The following ACTN2 variants were observed in gnomAD, a reference collection of about 807,000 sequenced individuals.
The protein encoded by ACTN2 is alpha-actinin-2.
A neutral mutation model predicts 113.8 loss-of-function variants in ACTN2; 39 were observed. The ratio of observed to expected loss-of-function variants is 0.34; its 90% CI spans 0.27 to 0.45. The LOEUF is 0.45. Ranked by LOEUF, ACTN2 falls within the 20% of genes least tolerant of loss-of-function variation. The pLI, the probability that ACTN2 is intolerant of heterozygous loss-of-function variation, is 1.00. For synonymous variants in ACTN2, 429 were observed against 444.1 expected (o/e 0.97, Z 0.43); for missense variants, 992 against 1,177.9 (o/e 0.84, Z 2.31).
Position 236,694,736 on chromosome 1 carries a change from G to A in ACTN2, c.126+7937G>A, listed in dbSNP as rs773224344. 3.3e-5 allele frequency among the ~76,000 whole-genome samples: 5 copies of A among 152,110 alleles called. No homozygotes were observed. In the East Asian group the frequency reaches 5.8e-4, roughly 18 times the overall value. ...TCTTGAAGTATTTTCTCAGGTCCCCGAAAAGAGTTCCCTGACTTGATTTTT... is the reference window on the plus strand; with the variant it reads ...TCTTGAAGTATTTTCTCAGGTCCCCAAAAAGAGTTCCCTGACTTGATTTTT... On this transcript the variant is annotated intron_variant, in intron 1 of 20. Transcript: ENST00000366578.
chr1:236,732,759 C>G (rs1658750230), intron 7 of ACTN2, among the ~76,000 whole-genome samples: 1 of 152,130 alleles, frequency 6.6e-6, no homozygotes. Flanking sequence ...TATTTTCTTA[C>G]AAGGATACCA....
Position 236,742,879 on chromosome 1 carries a change from G to C in ACTN2, c.1108-17G>C. 6.2e-7 allele frequency: 1 copy of C among 1,614,156 alleles called. No homozygotes were observed. Among genetic ancestry groups the C allele is most frequent in the Non-Finnish European group, 8.5e-7 (1 of 1,180,028 alleles). On this transcript the variant is annotated splice_polypyrimidine_tract_variant and intron_variant, in intron 10 of 20. Coordinates refer to ENST00000366578, the MANE Select transcript of ACTN2 (RefSeq NM_001103.4). ...GCTTGTTACACATTTGCTTCCCTTG[G>C]CTTCCAACCATCCCAGGATATTGCT...
chr1:236,734,593 T>C, intron 7 of ACTN2: 3 of 1,121,472 alleles, frequency 2.7e-6, no homozygotes, highest in South Asian at 3.0e-5. Flanking sequence ...TGTTTTCCTC[T>C]TTTTTCCCCC....
In ACTN2 at chr1:236,735,563, T is replaced by A. The variant is rs1658843515; in HGVS notation, c.698-72T>A. ...TTGTTCTTCCCTCTGTTCTCCCTGG[T>A]TTCTCTCCTTCGTCTGTATGTGTGT... is the stretch of plus-strand genomic sequence containing the variant. On this transcript the variant is annotated intron_variant, in intron 7 of 20. Coordinates refer to ENST00000366578, the MANE Select transcript of ACTN2 (RefSeq NM_001103.4). 4 of 1,349,728 alleles carry A rather than the reference T, an allele frequency of 3.0e-6. No homozygotes were observed. In the African/African-American group the frequency reaches 5.8e-5, roughly 19 times the overall value. 83.6% of individuals were successfully genotyped at this position (1,349,728 alleles called of 1,614,324 possible).
At chr1:236,746,165 CAAA>C (rs55953102) in intron 12 of ACTN2, among the ~76,000 whole-genome samples, 92 of 80,382 alleles carry the variant, frequency 1.1e-3, no homozygotes, top group African/African-American at 3.7e-3. Flanking sequence ...GACTCCATCT[CAAA>C]AAAAAAAAAA....
Position 236,762,457 on chromosome 1 carries a change from C to T in ACTN2, c.2527-4C>T, listed in dbSNP as rs375928466. 5.0e-6 allele frequency: 8 copies of T among 1,613,832 alleles called. No homozygotes were observed. Among genetic ancestry groups the T allele is most frequent in the Non-Finnish European group, 5.9e-6 (7 of 1,179,942 alleles). ...ACTGCAAACACGTGTGTATTTTTTCCCAGCCATACATCCTGGCGGAGGAGC... is the reference window on the plus strand; with the variant it reads ...ACTGCAAACACGTGTGTATTTTTTCTCAGCCATACATCCTGGCGGAGGAGC... On this transcript the variant is annotated splice_polypyrimidine_tract_variant and splice_region_variant and intron_variant, in intron 20 of 20. Coordinates refer to ENST00000366578, the MANE Select transcript of ACTN2 (RefSeq NM_001103.4).
intron 1 of ACTN2, among the ~76,000 whole-genome samples, chr1:236,688,118 C>G (rs959761881): frequency 6.6e-6 from 1 of 152,110 alleles, no homozygotes. Flanking sequence ...AATGTGTCAT[C>G]TGGACCAGCT....
At chr1:236,729,303 G>A (rs569420289) in intron 6 of ACTN2, among the ~76,000 whole-genome samples, 8 of 152,078 alleles carry the variant, frequency 5.3e-5, no homozygotes, top group Non-Finnish European at 8.8e-5. Flanking sequence ...CAGCCTGGGC[G>A]ACAGAGCGAG....
intron 1 of ACTN2, among the ~76,000 whole-genome samples, chr1:236,714,979 A>T (rs1658130749): frequency 8.5e-6 from 1 of 118,056 alleles, no homozygotes; most frequent in African/African-American, 3.2e-5. Flanking sequence ...GATATGCAAG[A>T]GACTGATAGC....
chr1:236,744,149 A>G (rs901786920), intron 11 of ACTN2, among the ~76,000 whole-genome samples: 1 of 152,194 alleles, frequency 6.6e-6, no homozygotes, highest in Non-Finnish European at 1.5e-5. Context: ...ATTATCAGGA[A>G]AAACAAAGCA....
At chr1:236,746,043 G>A (rs377557085) in intron 12 of ACTN2, among the ~76,000 whole-genome samples, 219 of 151,724 alleles carry the variant, frequency 1.4e-3, no homozygotes, top group African/African-American at 5.1e-3. Flanking sequence ...GCGGGCACCT[G>A]TAGTCCCAAC....
intron 1 of ACTN2, among the ~76,000 whole-genome samples, chr1:236,693,177 G>GCACACACACACACA (rs35891713): frequency 2.7e-5 from 4 of 149,038 alleles, no homozygotes; most frequent in Non-Finnish European, 4.5e-5. Flanking sequence ...CTGCACACAT[G>GCACACACACACACA]CACACACACA....
At chr1:236,760,402 T>A (rs1053324175) in intron 19 of ACTN2, among the ~76,000 whole-genome samples, 1 of 152,236 alleles carries the variant, frequency 6.6e-6, no homozygotes, top group Admixed American at 6.5e-5. Context: ...CCATTTAAAG[T>A]GTATACTTCA....
intron 4 of ACTN2, 114 bp downstream of exon 4, chr1:236,720,305 C>T (rs1176803027): frequency 2.4e-6 from 2 of 847,514 alleles, no homozygotes; most frequent in Non-Finnish European, 4.0e-6. Context: ...GAATGAGAGA[C>T]ATGTAAGTGG....
chr1:236,689,302 T>G (rs1295752528), intron 1 of ACTN2, among the ~76,000 whole-genome samples: 5 of 2,566 alleles, frequency 1.9e-3, no homozygotes, highest in African/African-American at 2.6e-3. Flanking sequence ...ACAGATGTGA[T>G]ATATATATAT....
chr1:236,729,560 T>C lies in ACTN2; in HGVS notation c.616-1673T>C, dbSNP rs1038076389. ...AAGAGTGTCCTGGCTTCCACCACCT[T>C]TTTAGTTATCCCTTGCTTACCTCCT... On this transcript the variant is annotated intron_variant, in intron 6 of 20. Transcript: ENST00000366578. Among the ~76,000 whole-genome samples the C allele has an allele frequency of 4.6e-5, 7 of 152,252 alleles. No individual in the cohort carries two copies. The East Asian group carries it at 1.2e-3, about 25-fold the overall frequency.
intron 6 of ACTN2, 124 bp downstream of exon 6, chr1:236,727,880 A>C: frequency 1.2e-6 from 1 of 859,366 alleles, no homozygotes; most frequent in African/African-American, 1.7e-5. Flanking sequence ...GCCACCAGGA[A>C]AAAGCACATT....
At chr1:236,727,535 G>A (rs568565476) in intron 5 of ACTN2, 143 bp from the exon 6 acceptor site, 553 of 784,096 alleles carry the variant, frequency 7.1e-4, no homozygotes, top group Non-Finnish European at 1.0e-3. Context: ...CAAGCTCACC[G>A]GGCGGGGTAA....
chr1:236,735,929 GT>G (rs1307534560), intron 8 of ACTN2, among the ~76,000 whole-genome samples: 1 of 151,950 alleles, frequency 6.6e-6, no homozygotes, highest in African/African-American at 2.4e-5. Flanking sequence ...GTTTTTATGT[GT>G]TTTACTTTTA....
Sources: allele counts gnomAD v4.1 joint callset (sites outside exome capture counted in the v4.1 genomes callset), GRCh38; gene constraint gnomAD v4.1.1; transcripts MANE v1.5; gene names NCBI Gene and HGNC (gene_info 2026-07-23, HGNC 2026-07-21).